DNMBP: variants seen among roughly 807,000 people sequenced by gnomAD.
The protein encoded by DNMBP is dynamin binding protein.
A neutral mutation model predicts 150.0 loss-of-function variants in DNMBP; 87 were observed. The ratio of observed to expected loss-of-function variants is 0.58; its 90% CI spans 0.49 to 0.69. DNMBP has a LOEUF of 0.69. Ranked by LOEUF, DNMBP falls within the 30% of genes least tolerant of loss-of-function variation. The pLI is 0.00. For synonymous variants in DNMBP, 711 were observed against 750.4 expected (o/e 0.95, Z 0.86); for missense variants, 1,774 against 1,949.0 (o/e 0.91, Z 1.69).
intron 4 of DNMBP, among the ~76,000 whole-genome samples, chr10:99,938,110 T>C (rs958444312): frequency 6.6e-6 from 1 of 152,254 alleles, no homozygotes; most frequent in Non-Finnish European, 1.5e-5. Context: ...AAGATTAAAC[T>C]TTCTCTGTTA....
intron 6 of DNMBP, among the ~76,000 whole-genome samples, chr10:99,903,975 C>T (rs897728856): frequency 6.6e-6 from 1 of 151,440 alleles, no homozygotes; most frequent in Non-Finnish European, 1.5e-5. Context: ...CAGGCTGGTC[C>T]AGAACTCCTG....
At chr10:99,914,834 G>A (rs892228343) in intron 4 of DNMBP, among the ~76,000 whole-genome samples, 2 of 151,904 alleles carry the variant, frequency 1.3e-5, no homozygotes, top group African/African-American at 2.4e-5. Context: ...CGTGAGGCCT[G>A]TAATCCCAGC....
At chr10:99,914,014 G>T in intron 4 of DNMBP, 1 of 1,509,332 alleles carries the variant, frequency 6.6e-7, no homozygotes, top group Non-Finnish European at 8.9e-7. Flanking sequence ...AGGCGGGACA[G>T]AATCTTCCCA....
At chr10:100,007,391 G>A (rs1277127033) in intron 1 of DNMBP, among the ~76,000 whole-genome samples, 4 of 151,800 alleles carry the variant, frequency 2.6e-5, no homozygotes, top group Non-Finnish European at 5.9e-5. Context: ...CCACGACCCC[G>A]GCACACACAG....
chr10:99,912,396 C>A (rs2039911228), intron 4 of DNMBP, among the ~76,000 whole-genome samples: 1 of 152,130 alleles, frequency 6.6e-6, no homozygotes, highest in South Asian at 2.1e-4. Context: ...CAATCAGAAG[C>A]CAGCCAGCCT....
intron 6 of DNMBP, among the ~76,000 whole-genome samples, chr10:99,901,341 G>A (rs534040701): frequency 6.6e-6 from 1 of 152,292 alleles, no homozygotes; most frequent in African/African-American, 2.4e-5. Context: ...GCTGCCTCTG[G>A]TTGAGGGTTA....
intron 4 of DNMBP, among the ~76,000 whole-genome samples, chr10:99,917,787 A>C (rs1472876777): frequency 6.6e-6 from 1 of 151,766 alleles, no homozygotes; most frequent in Admixed American, 6.6e-5. Context: ...AACATGGTGA[A>C]ACCCCGTCTC....
chr10:99,910,241 T>C (rs1310390321), intron 4 of DNMBP, among the ~76,000 whole-genome samples: 1 of 152,234 alleles, frequency 6.6e-6, no homozygotes, highest in African/African-American at 2.4e-5. Context: ...CTGCTTTCTC[T>C]CAGAAGTTAG....
rs2040650797 is a variant in DNMBP at position 99,969,191 on chromosome 10, T to C, written c.192A>G (p.Leu64=). 6.2e-7 allele frequency: 1 copy of C among 1,614,108 alleles called. No homozygotes were observed. Among genetic ancestry groups the C allele is most frequent in the Non-Finnish European group, 8.5e-7 (1 of 1,179,942 alleles). The change falls in exon 3 of 17, where the codon CTA becomes CTG. Residue 64 remains leucine (L), a synonymous_variant. Coordinates refer to ENST00000324109, the MANE Select transcript of DNMBP (RefSeq NM_015221.4). ...SFVEIVTIPS[L]KEGERLFVCI... ...ACACAAACAGCCTCTCTCCCTCTTT[T>C]AGACTGGGAATGGTCACAATTTCCA...
At position 99,986,594 on chromosome 10, in the gene DNMBP, CAAAAAAAAA is replaced by C. The variant is rs747726572; in HGVS notation, c.-10-14469_-10-14461del. Among the ~76,000 whole-genome samples the C allele has an allele frequency of 6.3e-4, 47 of 74,170 alleles. 1 individual carries two copies. Among genetic ancestry groups the C allele is most frequent in the African/African-American group, 2.2e-3 (46 of 20,746 alleles). The allele number at this position is 74,170 out of a possible 152,430, so 48.7% of individuals were successfully genotyped here. On this transcript the variant is annotated intron_variant, in intron 1 of 16. Coordinates refer to ENST00000324109, the MANE Select transcript of DNMBP (RefSeq NM_015221.4). Reference sequence around the variant, plus strand: ...TGGGAGACAGAGCAAGACTCCGTCTCAAAAAAAAAAAAAAAAAAAAAAAAAAAAAAACCT... The same window carrying C: ...TGGGAGACAGAGCAAGACTCCGTCTCAAAAAAAAAAAAAAAAAAAAAACCT...
chr10:99,895,863 G>A (rs2039645474), intron 10 of DNMBP, among the ~76,000 whole-genome samples: 2 of 152,178 alleles, frequency 1.3e-5, no homozygotes, highest in South Asian at 4.1e-4. Flanking sequence ...GCAGAATGAT[G>A]TCTGCAGACT....
chr10:99,945,119 T>C (rs2040342444), intron 4 of DNMBP, among the ~76,000 whole-genome samples: 1 of 152,158 alleles, frequency 6.6e-6, no homozygotes, highest in Non-Finnish European at 1.5e-5. Flanking sequence ...TGTTTCCATG[T>C]GGAAATTCCT....
At chr10:99,961,562 TCTTC>T (rs2040565672) in intron 3 of DNMBP, among the ~76,000 whole-genome samples, 1 of 150,192 alleles carries the variant, frequency 6.7e-6, no homozygotes, top group South Asian at 2.1e-4. Flanking sequence ...GTGCCCGGCC[TCTTC>T]CTTCTACTAA....
chr10:100,006,856 G>A (rs962076835), intron 1 of DNMBP, among the ~76,000 whole-genome samples: 3 of 152,212 alleles, frequency 2.0e-5, no homozygotes, highest in Non-Finnish European at 4.4e-5. Flanking sequence ...GCCCATGCCT[G>A]TAATCCCAGC....
rs1375993426 is a variant in DNMBP at position 99,956,068 on chromosome 10, T to C, written c.1406A>G (p.Lys469Arg). The change falls in exon 4 of 17, where the codon AAA becomes AGA. Residue 469 changes from lysine (K) to arginine (R), a missense_variant. By Grantham distance (26) the Lys-to-Arg change is conservative. Coordinates refer to ENST00000324109, the MANE Select transcript of DNMBP (RefSeq NM_015221.4). ...AGGGAGCACTGGCTTCTGAAGAGTT[T>C]TTAGCTGGGAATACATTCTTTTGGG... ...LPPKRMYSQL[K>R]TLQKPVLPLY... is the part of the protein sequence containing the mutation. The C allele has an allele frequency of 2.5e-6, 4 of 1,614,160 alleles. No individual in the cohort carries two copies. The South Asian group carries it at 4.4e-5, about 18-fold the overall frequency.
At chr10:99,960,549 T>C (rs892695115) in intron 3 of DNMBP, among the ~76,000 whole-genome samples, 18 of 152,218 alleles carry the variant, frequency 1.2e-4, no homozygotes, top group South Asian at 6.2e-4. Flanking sequence ...CTCACGCCTG[T>C]AATCCCAGCA....
chr10:99,913,849 GA>G, intron 4 of DNMBP: 6 of 1,205,994 alleles, frequency 5.0e-6, no homozygotes, highest in Non-Finnish European at 6.3e-6. Flanking sequence ...CTCTAATGGG[GA>G]AAATTTTGAG....
At chr10:99,902,990 A>G (rs1034603180) in intron 6 of DNMBP, among the ~76,000 whole-genome samples, 5 of 151,782 alleles carry the variant, frequency 3.3e-5, no homozygotes, top group Non-Finnish European at 5.9e-5. Flanking sequence ...ACTGGAGTGC[A>G]GTGTTGTGAC....
chr10:99,979,129 C>T (rs2040758309), intron 1 of DNMBP, among the ~76,000 whole-genome samples: 1 of 152,106 alleles, frequency 6.6e-6, no homozygotes. Flanking sequence ...CAACCAAAGC[C>T]CTATGCAAAC....
Sources: gnomAD v4.1 joint callset for allele counts (sites outside exome capture counted in the v4.1 genomes callset) on GRCh38, gnomAD v4.1.1 for gene constraint, MANE v1.5 for transcripts, NCBI Gene and HGNC (gene_info 2026-07-23, HGNC 2026-07-21) for gene names.